The following SLCO3A1 variants were observed in gnomAD, a reference collection of about 807,000 sequenced individuals.
SLCO3A1 encodes the protein PGE1 transporter.
In SLCO3A1, 27 loss-of-function variants were observed where a neutral mutation model predicts 63.1. The ratio of observed to expected loss-of-function variants is 0.43; its 90% confidence interval spans 0.32 to 0.59. The LOEUF is 0.59. Among genes scored for constraint, SLCO3A1 ranks in the 20% least tolerant of loss-of-function variants. The pLI is 0.09. For synonymous variants in SLCO3A1, 473 were observed against 409.9 expected (o/e 1.15, Z -1.86); for missense variants, 773 against 945.8 (o/e 0.82, Z 2.40).
At chr15:91,915,126 G>A (rs1423922137) in intron 1 of SLCO3A1, among the ~76,000 whole-genome samples, 1 of 152,030 alleles carries the variant, frequency 6.6e-6, no homozygotes, top group Non-Finnish European at 1.5e-5. Context: ...TTGGTGTGAG[G>A]TCTGCATCAC....
At chr15:92,046,312 C>T (rs981041211) in intron 2 of SLCO3A1, among the ~76,000 whole-genome samples, 1 of 151,522 alleles carries the variant, frequency 6.6e-6, no homozygotes, top group Non-Finnish European at 1.5e-5. Flanking sequence ...ATCAGGAGTT[C>T]GAGACCAGCC....
At chr15:91,928,793 TG>T (rs914945888) in intron 2 of SLCO3A1, among the ~76,000 whole-genome samples, 1 of 152,230 alleles carries the variant, frequency 6.6e-6, no homozygotes, top group African/African-American at 2.4e-5. Flanking sequence ...TCATGTGAGT[TG>T]TTTTCAAAAT....
In SLCO3A1 at chr15:92,030,182, C is replaced by G. The variant is rs568466505; in HGVS notation, c.647-64699C>G. Among the ~76,000 whole-genome samples the G allele has an allele frequency of 3.3e-5, 5 of 152,284 alleles. No individual in the cohort carries two copies. The East Asian group carries it at 5.8e-4, about 18-fold the overall frequency. On this transcript the variant is annotated intron_variant, in intron 2 of 9. Coordinates refer to ENST00000318445, the MANE Select transcript of SLCO3A1 (RefSeq NM_013272.4). ...TGTGTGTTTTATCCCACAAAATGCCCCAAAGGGTTAGTTGGTTTTCAAAAG... is the reference window on the plus strand; with the variant it reads ...TGTGTGTTTTATCCCACAAAATGCCGCAAAGGGTTAGTTGGTTTTCAAAAG...
rs527636529 is a variant in SLCO3A1, at chr15:91,863,679, G to A, written c.180+9591G>A. ...AGGAAAGGAGCATATTTTTTTGGCC[G>A]GAGTGATGATTGAGGAGAAGAAACT... On this transcript the variant is annotated intron_variant, in intron 1 of 9. Transcript: ENST00000318445. This position sits in a 1 kb window ranked among gnomAD's most constrained non-coding sequence, Gnocchi z 4.3. 2.4e-4 allele frequency among the ~76,000 whole-genome samples: 37 copies of A among 152,124 alleles called. No homozygotes were observed. The highest frequency in any genetic ancestry group is 3.4e-3 in the Middle Eastern group (1 of 294).
At chr15:92,069,781 G>A (rs776601632) in intron 2 of SLCO3A1, among the ~76,000 whole-genome samples, 43 of 152,238 alleles carry the variant, frequency 2.8e-4, no homozygotes, top group South Asian at 6.2e-4. Context: ...AATGAGTCAC[G>A]AAGTGAATCA....
chr15:92,089,184 G>A (rs560801999), intron 2 of SLCO3A1, among the ~76,000 whole-genome samples: 119 of 151,942 alleles, frequency 7.8e-4, no homozygotes, highest in Middle Eastern at 3.4e-3. Context: ...CTGCCACTAC[G>A]CCCGGCTAAT....
At chr15:92,129,271 C>G (rs939634874) in intron 7 of SLCO3A1, among the ~76,000 whole-genome samples, 2 of 152,150 alleles carry the variant, frequency 1.3e-5, no homozygotes, top group Non-Finnish European at 1.5e-5. Flanking sequence ...AGCAAATGAC[C>G]CTTTCTCATG....
At chr15:92,019,979 G>C (rs752676711) in intron 2 of SLCO3A1, among the ~76,000 whole-genome samples, 14 of 152,164 alleles carry the variant, frequency 9.2e-5, no homozygotes, top group African/African-American at 3.1e-4. Context: ...GGAACCATGT[G>C]GGGGAAGCGA....
intron 2 of SLCO3A1, among the ~76,000 whole-genome samples, chr15:91,992,251 T>G (rs988301866): frequency 2.6e-5 from 4 of 152,222 alleles, no homozygotes; most frequent in African/African-American, 9.6e-5. Flanking sequence ...GGAGGAGTGT[T>G]CTGAACTCAT....
chr15:92,129,660 T>G (rs111324437), intron 7 of SLCO3A1, among the ~76,000 whole-genome samples: 8 of 152,190 alleles, frequency 5.3e-5, no homozygotes, highest in African/African-American at 1.9e-4. Flanking sequence ...AAGGAAAATA[T>G]GAACCCCCAG....
At chr15:92,012,776 G>C (rs955987326) in intron 2 of SLCO3A1, among the ~76,000 whole-genome samples, 1 of 147,842 alleles carries the variant, frequency 6.8e-6, no homozygotes, top group Non-Finnish European at 1.5e-5. Flanking sequence ...CTCAGACGAG[G>C]CTTAACTCTA....
intron 7 of SLCO3A1, among the ~76,000 whole-genome samples, chr15:92,143,127 C>A (rs760389372): frequency 6.7e-6 from 1 of 150,348 alleles, no homozygotes; most frequent in East Asian, 2.0e-4. Context: ...TCCTGGGGTA[C>A]TTAGCCAAAC....
Position 91,853,942 on chromosome 15 carries a change from G to T in SLCO3A1, c.34G>T (p.Gly12Cys), listed in dbSNP as rs1298396913. The T allele has an allele frequency of 2.7e-6, 4 of 1,467,470 alleles. No individual in the cohort carries two copies. Among genetic ancestry groups the T allele is most frequent in the Non-Finnish European group, 3.6e-6 (4 of 1,103,260 alleles). 90.9% of individuals were successfully genotyped at this position (1,467,470 alleles called of 1,614,324 possible). Residue 12 changes from glycine to cysteine, a missense_variant, in exon 1 of 10, where the codon GGC (glycine) becomes TGC (cysteine). This residue lies in a region of SLCO3A1 where 69 missense variants were observed against 64.6 expected (regional missense o/e 1.07). Transcript: ENST00000318445. ...GAAGAAGCCGGGCGGTTCGTCGGGCGGCGGCCGGAGCGGCGAGCTGCAGGG... is the reference window on the plus strand; with the variant it reads ...GAAGAAGCCGGGCGGTTCGTCGGGCTGCGGCCGGAGCGGCGAGCTGCAGGG... ...QGKKPGGSSG[G>C]GRSGELQGDE...
chr15:92,021,135 G>C (rs1421032523), intron 2 of SLCO3A1, among the ~76,000 whole-genome samples: 1 of 152,200 alleles, frequency 6.6e-6, no homozygotes, highest in East Asian at 1.9e-4. Flanking sequence ...CACCTGTATG[G>C]TTGTGCTTGT....
intron 1 of SLCO3A1, among the ~76,000 whole-genome samples, chr15:91,871,134 T>C (rs1897270134): frequency 6.6e-6 from 1 of 152,224 alleles, no homozygotes; most frequent in Non-Finnish European, 1.5e-5. Context: ...CTTTCTTTGA[T>C]TTATTTATTT....
At chr15:92,156,778 A>G (rs1011388957) in intron 9 of SLCO3A1, among the ~76,000 whole-genome samples, 7 of 152,010 alleles carry the variant, frequency 4.6e-5, no homozygotes, top group Admixed American at 3.3e-4. Flanking sequence ...AAGTCTTGGC[A>G]GGTAAGCCAG....
chr15:91,942,964 C>G lies in SLCO3A1; in HGVS notation c.646+26506C>G, dbSNP rs572365619. ...GGCCCAGGGCCCAGCCGTTTGACCTCGTTCTGCCTCCCTTTCTCTCCTAAA... is the reference window on the plus strand; with the variant it reads ...GGCCCAGGGCCCAGCCGTTTGACCTGGTTCTGCCTCCCTTTCTCTCCTAAA... On this transcript the variant is annotated intron_variant, in intron 2 of 9. Transcript: ENST00000318445. This position sits in a 1 kb window ranked among gnomAD's most constrained non-coding sequence, Gnocchi z 4.1. Among the ~76,000 whole-genome samples the G allele has an allele frequency of 3.9e-5, 6 of 152,236 alleles. No homozygotes were observed. Among genetic ancestry groups the G allele is most frequent in the African/African-American group, 7.2e-5 (3 of 41,458 alleles).
chr15:91,979,073 G>C (rs1901231379), intron 2 of SLCO3A1, among the ~76,000 whole-genome samples: 1 of 152,168 alleles, frequency 6.6e-6, no homozygotes, highest in Non-Finnish European at 1.5e-5. Context: ...CTGAGATACA[G>C]GTACCTCATT....
At position 91,954,853 on chromosome 15, in the gene SLCO3A1, G is replaced by A. The variant is rs750343158; in HGVS notation, c.646+38395G>A. On this transcript the variant is annotated intron_variant, in intron 2 of 9. Transcript: ENST00000318445. The surrounding 1 kb of genome is among the most constrained non-coding windows in gnomAD (Gnocchi z 4.7). ...CCTGAACCGCCCCCCGTGGTCTCCC[G>A]CTGCTTTCTGCCACTGCCCAAGGGC... Among the ~76,000 whole-genome samples, 10 of 152,094 alleles carry A rather than the reference G, an allele frequency of 6.6e-5. No homozygotes were observed. The highest frequency in any genetic ancestry group is 4.2e-4 in the South Asian group (2 of 4,818).
Sources: allele counts gnomAD v4.1 joint callset (sites outside exome capture counted in the v4.1 genomes callset), GRCh38; gene constraint gnomAD v4.1.1; regional missense constraint gnomAD v4.1.1; non-coding constraint Gnocchi (gnomAD v3.1); transcripts MANE v1.5; gene names NCBI Gene and HGNC (gene_info 2026-07-23, HGNC 2026-07-21).